Variants in UBR1 observed in about 807,000 individuals in gnomAD.
UBR1 encodes ubiquitin protein ligase E3 component n-recognin 1, also known as E3 ubiquitin-protein ligase UBR1.
A neutral mutation model predicts 242.1 loss-of-function variants in UBR1; 102 were observed. The ratio of observed to expected loss-of-function variants is 0.42; its 90% confidence interval spans 0.36 to 0.50. UBR1 has a LOEUF of 0.50. Among genes scored for constraint, UBR1 ranks in the 20% least tolerant of loss-of-function variants. The probability of loss-of-function intolerance (pLI) is 0.01; values close to 1 mark genes in which losing one functional copy is unlikely to be tolerated. For synonymous variants in UBR1, 675 were observed against 684.8 expected (o/e 0.99, Z 0.22); for missense variants, 1,772 against 2,101.8 (o/e 0.84, Z 3.07).
At chr15:43,008,618 A>C (rs1344167321) in intron 29 of UBR1, among the ~76,000 whole-genome samples, 2 of 152,240 alleles carry the variant, frequency 1.3e-5, no homozygotes, top group African/African-American at 4.8e-5. Context: ...CCAAGCCAGG[A>C]ATGGCCTGAA....
intron 14 of UBR1, among the ~76,000 whole-genome samples, chr15:43,044,430 A>C (rs2033458210): frequency 6.6e-6 from 1 of 152,230 alleles, no homozygotes; most frequent in South Asian, 2.1e-4. Flanking sequence ...AATATATTTG[A>C]GATAAGGAAG....
At chr15:42,987,794 A>G (rs746749497) in intron 35 of UBR1, among the ~76,000 whole-genome samples, 7 of 152,042 alleles carry the variant, frequency 4.6e-5, no homozygotes, top group Non-Finnish European at 8.8e-5. Flanking sequence ...TTACAAAAAT[A>G]CATTTAAATG....
chr15:43,017,948 C>T (rs1259886215), intron 27 of UBR1, among the ~76,000 whole-genome samples: 1 of 151,740 alleles, frequency 6.6e-6, no homozygotes, highest in Non-Finnish European at 1.5e-5. Context: ...TTTCACACAT[C>T]CTCTTTTCAC....
intron 39 of UBR1, among the ~76,000 whole-genome samples, chr15:42,975,755 G>A (rs764420736): frequency 4.6e-5 from 7 of 151,694 alleles, no homozygotes; most frequent in Admixed American, 2.0e-4. Flanking sequence ...GTGCCATGGC[G>A]TAAAGGCACT....
Position 42,958,014 on chromosome 15 carries a change from T to C in UBR1, c.4834A>G (p.Arg1612Gly), listed in dbSNP as rs78948790. The change falls in exon 44 of 47, where the codon AGG becomes GGG. Residue 1612 changes from arginine (R) to glycine (G), a missense_variant and splice_region_variant. Coordinates refer to ENST00000290650, the MANE Select transcript of UBR1 (RefSeq NM_174916.3). ...SCLLNQASHF[R>G]CPRSADDERK... ...CATATATATACACACTCTCCTTACC[T>C]GAAATGAGAAGCTTGATTCAGGAGG... 9,721 of 1,611,742 alleles carry C rather than the reference T, an allele frequency of 6.0e-3. 36 individuals are homozygous for C. Among genetic ancestry groups the C allele is most frequent in the Middle Eastern group, 7.6e-3 (46 of 6,060 alleles).
rs542518072 is a variant in UBR1, at chr15:43,024,900, T to C, written c.2668A>G (p.Ile890Val). The change falls in exon 25 of 47, where the codon ATT becomes GTT. Residue 890 changes from isoleucine to valine, a missense_variant. This residue lies in a region of UBR1 where 965 missense variants were observed against 1,079.7 expected (regional missense o/e 0.89). Coordinates refer to ENST00000290650, the MANE Select transcript of UBR1 (RefSeq NM_174916.3). Reference protein sequence around the residue: ...NLLNCDIMMYILRTVFERAID... With the variant: ...NLLNCDIMMYVLRTVFERAID... ...GCCCGCTCAAATACGGTCCTGAGAA[T>C]GTACATCATGATATCACAGTTGAGA... 3.7e-6 allele frequency: 6 copies of C among 1,614,190 alleles called. No individual in the cohort carries two copies. In the African/African-American group the frequency reaches 6.7e-5, roughly 18 times the overall value.
In UBR1 at chr15:43,074,978, C is replaced by T; in HGVS notation, c.528+1G>A. 1 of 1,605,844 alleles carries T rather than the reference C, an allele frequency of 6.2e-7. No individual in the cohort carries two copies. Among genetic ancestry groups the T allele is most frequent in the Non-Finnish European group, 8.5e-7 (1 of 1,172,416 alleles). ...AATTTTTAACAAAATAGCATTCTTA[C>T]CTCTTTTATAGTACCTGCTCTTCCA... On this transcript the variant is annotated splice_donor_variant, in intron 4 of 46. Coordinates refer to ENST00000290650, the MANE Select transcript of UBR1 (RefSeq NM_174916.3). LOFTEE classifies it high-confidence loss of function.
At chr15:42,999,978 T>C (rs1188418094) in intron 32 of UBR1, among the ~76,000 whole-genome samples, 1 of 152,128 alleles carries the variant, frequency 6.6e-6, no homozygotes, top group Non-Finnish European at 1.5e-5. Flanking sequence ...GTTTTTTTTG[T>C]TTTCAAAAAA....
intron 36 of UBR1, among the ~76,000 whole-genome samples, 176 bp downstream of exon 36, chr15:42,984,711 A>C (rs574081520): frequency 5.3e-5 from 8 of 152,214 alleles, no homozygotes; most frequent in Non-Finnish European, 1.2e-4. Context: ...TAAGCGCTGT[A>C]AAGTGCACAT....
At chr15:43,100,194 G>A (rs911307469) in intron 1 of UBR1, among the ~76,000 whole-genome samples, 1 of 151,996 alleles carries the variant, frequency 6.6e-6, no homozygotes, top group African/African-American at 2.4e-5. Flanking sequence ...CTTTAACCTG[G>A]CTCTACCATC....
chr15:43,021,386 A>C lies in UBR1; in HGVS notation c.2840-11T>G, dbSNP rs760843476. 1.9e-6 allele frequency: 3 copies of C among 1,608,300 alleles called. No homozygotes were observed. In the African/African-American group the frequency reaches 4.0e-5, roughly 22 times the overall value. ...CTGAACTTCCCAATCCTTTTTTAAAACACAAAATCACACATCATAAATACA... is the reference window on the plus strand; with the variant it reads ...CTGAACTTCCCAATCCTTTTTTAAACCACAAAATCACACATCATAAATACA... On this transcript the variant is annotated splice_polypyrimidine_tract_variant and intron_variant, in intron 26 of 46. Transcript: ENST00000290650.
intron 11 of UBR1, among the ~76,000 whole-genome samples, chr15:43,055,290 C>T (rs2033603149): frequency 6.6e-6 from 1 of 152,046 alleles, no homozygotes. Context: ...ACAAAAAATA[C>T]AAAAATTAGC....
intron 27 of UBR1, among the ~76,000 whole-genome samples, chr15:43,019,857 G>A (rs1436283746): frequency 6.6e-6 from 1 of 151,528 alleles, no homozygotes; most frequent in Admixed American, 6.6e-5. Flanking sequence ...ACCCGCCTCC[G>A]CCTCCCAAAG....
chr15:42,987,619 CAGG>C (rs1379216974), intron 35 of UBR1, among the ~76,000 whole-genome samples: 1 of 143,982 alleles, frequency 6.9e-6, no homozygotes, highest in Non-Finnish European at 1.5e-5. Flanking sequence ...GAGCCTGAGG[CAGG>C]AGAATTGCTT....
At chr15:43,015,921 T>C (rs2141297540) in intron 28 of UBR1, 52 bp from the exon 29 acceptor site, 1 of 1,558,976 alleles carries the variant, frequency 6.4e-7, no homozygotes, top group Non-Finnish European at 8.8e-7. Flanking sequence ...TAAACATTTA[T>C]ATACGCTGTT....
intron 33 of UBR1, among the ~76,000 whole-genome samples, chr15:42,992,691 C>T (rs1485279381): frequency 1.3e-5 from 2 of 152,168 alleles, no homozygotes; most frequent in Non-Finnish European, 2.9e-5. Flanking sequence ...TGAGAGTCCC[C>T]TTCTATAGTT....
At chr15:42,973,204 C>T (rs2032234453) in intron 39 of UBR1, among the ~76,000 whole-genome samples, 1 of 152,164 alleles carries the variant, frequency 6.6e-6, no homozygotes. Flanking sequence ...TGCTATGTTG[C>T]CCAGGGTAGT....
intron 6 of UBR1, among the ~76,000 whole-genome samples, chr15:43,067,671 T>C (rs2033770661): frequency 6.6e-6 from 1 of 152,176 alleles, no homozygotes; most frequent in Non-Finnish European, 1.5e-5. Flanking sequence ...GCCAAATAAA[T>C]TCAGTAACTT....
intron 35 of UBR1, 62 bp from the exon 36 acceptor site, chr15:42,985,004 A>T: frequency 8.5e-7 from 1 of 1,172,936 alleles, no homozygotes; most frequent in Non-Finnish European, 1.2e-6. Context: ...CATATACTGT[A>T]CTTTTTATCA....
Sources: allele counts gnomAD v4.1 joint callset (sites outside exome capture counted in the v4.1 genomes callset), GRCh38; gene constraint gnomAD v4.1.1; regional missense constraint gnomAD v4.1.1; transcripts MANE v1.5; gene names NCBI Gene and HGNC (gene_info 2026-07-23, HGNC 2026-07-21).